PHYKPL: variants seen among roughly 807,000 people sequenced by gnomAD.
PHYKPL encodes the protein 5-phosphonooxy-L-lysine phospho-lyase.
In PHYKPL, 42 loss-of-function variants were observed where a neutral mutation model predicts 51.3. The observed-to-expected ratio is 0.82, with a 90% CI of 0.64 to 1.06. The LOEUF is 1.06. PHYKPL is among the 50% of genes least tolerant of loss of function. The pLI is 0.00. For synonymous variants in PHYKPL, 264 were observed against 236.0 expected (o/e 1.12, Z -1.09); for missense variants, 655 against 586.6 (o/e 1.12, Z -1.20).
At chr5:178,211,653 G>T in intron 12 of PHYKPL, 1 of 475,768 alleles carries the variant, frequency 2.1e-6, no homozygotes, top group Non-Finnish European at 3.8e-6. Context: ...AGGGTGGGTT[G>T]GGGTTCCACG....
chr5:178,210,268 C>T (rs1757812831), intron 12 of PHYKPL: 3 of 1,614,160 alleles, frequency 1.9e-6, no homozygotes, highest in Non-Finnish European at 1.7e-6. Context: ...CCGGCTACGA[C>T]TACAGTAAGT....
chr5:178,225,461 A>T (rs1002032987), intron 3 of PHYKPL, 32 bp from the exon 4 acceptor site: 4 of 1,611,354 alleles, frequency 2.5e-6, no homozygotes, highest in Non-Finnish European at 3.4e-6. Flanking sequence ...TGACTGAGAG[A>T]GTAGTCTAAG....
intron 12 of PHYKPL, chr5:178,209,993 T>C: frequency 8.3e-7 from 1 of 1,207,472 alleles, no homozygotes; most frequent in Non-Finnish European, 1.2e-6. Context: ...AGGGCCCTTA[T>C]ACACCAGAAC....
intron 8 of PHYKPL, among the ~76,000 whole-genome samples, chr5:178,218,019 C>T (rs1760233174): frequency 6.8e-6 from 1 of 146,926 alleles, no homozygotes; most frequent in Non-Finnish European, 1.5e-5. Context: ...AGATCGAGAC[C>T]ATCCTGGCTA....
chr5:178,210,482 A>G lies in PHYKPL; in HGVS notation c.*31+1408T>C, dbSNP rs183037540. 5.2e-4 allele frequency: 794 copies of G among 1,514,614 alleles called. 3 individuals are homozygous for G. The African/African-American group carries it at 9.9e-3, about 19-fold the overall frequency. 93.8% of individuals were successfully genotyped at this position (1,514,614 alleles called of 1,614,324 possible). On this transcript the variant is annotated intron_variant, in intron 12 of 12. Transcript: ENST00000308158. ...CACGGCTGGTGAGGGTCCTGGGAAG[A>G]TGCATATCAAGCGCGTGGCACAGGG...
rs1481606931 is a variant in PHYKPL, at chr5:178,211,718, G to A, written c.*31+172C>T. 14 of 596,434 alleles carry A rather than the reference G, an allele frequency of 2.3e-5. 1 individual carries two copies. In the East Asian group the frequency reaches 3.6e-4, roughly 16 times the overall value. The allele number at this position is 596,434 out of a possible 1,614,324, so 36.9% of individuals were successfully genotyped here. On this transcript the variant is annotated intron_variant, in intron 12 of 12. Transcript: ENST00000308158. Reference sequence around the variant, plus strand: ...GATATAGCTGTTCCTGCCATCAAGTGCAAGCTAAGCATTGGAGAATTTCCA... The same window carrying A: ...GATATAGCTGTTCCTGCCATCAAGTACAAGCTAAGCATTGGAGAATTTCCA...
intron 12 of PHYKPL, among the ~76,000 whole-genome samples, chr5:178,209,943 T>C (rs1165822371): frequency 2.6e-5 from 4 of 151,800 alleles, no homozygotes; most frequent in Non-Finnish European, 5.9e-5. Context: ...TCCTGGTCTC[T>C]GATCCTCTGC....
At chr5:178,215,479 T>C in intron 8 of PHYKPL, 49 bp from the exon 9 acceptor site, 1 of 1,565,816 alleles carries the variant, frequency 6.4e-7, no homozygotes, top group Non-Finnish European at 8.7e-7. Flanking sequence ...GAGTGGGCCA[T>C]GCCCCAGAGT....
At chr5:178,228,504 G>A (rs1158465051) in intron 3 of PHYKPL, 4 of 702,208 alleles carry the variant, frequency 5.7e-6, no homozygotes, top group Non-Finnish European at 7.8e-6. Flanking sequence ...GGAAGCACCA[G>A]CTCCCTTCTC....
intron 12 of PHYKPL, chr5:178,211,163 A>G (rs1023118520): frequency 4.6e-5 from 7 of 153,642 alleles, no homozygotes; most frequent in Non-Finnish European, 8.6e-5. Context: ...AAAACCCCCA[A>G]GCCTGGGTGA....
intron 1 of PHYKPL, 165 bp from the exon 2 acceptor site, chr5:178,231,688 G>A (rs974174675): frequency 1.3e-6 from 2 of 1,565,270 alleles, no homozygotes; most frequent in African/African-American, 2.7e-5. Context: ...CCACTCCACA[G>A]GTGGTTGCAA....
chr5:178,211,700 C>A, intron 12 of PHYKPL, 190 bp downstream of exon 12: 1 of 586,372 alleles, frequency 1.7e-6, no homozygotes, highest in Non-Finnish European at 3.0e-6. Flanking sequence ...GAGGATATAG[C>A]TGTTCCTGCC....
chr5:178,210,318 A>T (rs777747612), intron 12 of PHYKPL: 1 of 1,612,584 alleles, frequency 6.2e-7, no homozygotes, highest in Non-Finnish European at 8.5e-7. Flanking sequence ...CCTCGTCCCC[A>T]GGGGAGGCAG....
At chr5:178,225,552 C>T in intron 3 of PHYKPL, 123 bp from the exon 4 acceptor site, 1 of 894,878 alleles carries the variant, frequency 1.1e-6, no homozygotes, top group Non-Finnish European at 1.8e-6. Flanking sequence ...TAGTCAGTCA[C>T]TTGCTTGTTT....
At chr5:178,218,944 G>A (rs994387614) in intron 8 of PHYKPL, among the ~76,000 whole-genome samples, 5 of 152,130 alleles carry the variant, frequency 3.3e-5, no homozygotes. Context: ...CCTGAAAACA[G>A]AGCAAGACTC....
Position 178,229,103 on chromosome 5 carries a change from ATTT to A in PHYKPL, c.338+834_338+836del, listed in dbSNP as rs55725801. Among the ~76,000 whole-genome samples, 762 of 118,246 alleles carry A rather than the reference ATTT, an allele frequency of 6.4e-3. 2 individuals carry two copies. Among genetic ancestry groups the A allele is most frequent in the African/African-American group, 0.015 (438 of 29,474 alleles). 77.6% of individuals were successfully genotyped at this position (118,246 alleles called of 152,430 possible). A position where few individuals can be genotyped will look rare whatever the true frequency, so the allele number is the denominator to read the frequency against. On this transcript the variant is annotated intron_variant, in intron 3 of 12. Coordinates refer to ENST00000308158, the MANE Select transcript of PHYKPL (RefSeq NM_153373.4). ...CCTTGACAAGAGTTTTGATGAGACTATTTTTTTTTTTTTTTTTTTTTGAGATAG... is the reference window on the plus strand; with the variant it reads ...CCTTGACAAGAGTTTTGATGAGACTATTTTTTTTTTTTTTTTTTGAGATAG...
intron 4 of PHYKPL, 106 bp downstream of exon 4, chr5:178,225,249 G>A (rs529806756): frequency 2.7e-5 from 35 of 1,307,806 alleles, no homozygotes; most frequent in South Asian, 2.6e-4. Flanking sequence ...CAGTAGCCCA[G>A]GCCCCTTATC....
At chr5:178,231,882 C>A (rs2973729) in intron 1 of PHYKPL, 1,309,850 of 1,320,572 alleles carry the variant, frequency 0.99, 649,704 homozygotes, top group Non-Finnish European at 1. Flanking sequence ...ATGGGATGGG[C>A]CAGGGCACCA....
At chr5:178,213,653 C>T (rs72817293) in intron 10 of PHYKPL, among the ~76,000 whole-genome samples, 3,110 of 152,334 alleles carry the variant, frequency 0.02, 46 homozygotes, top group Non-Finnish European at 0.031. Flanking sequence ...ACAGTCTAAC[C>T]TCATCTCTGA....
Sources: gnomAD v4.1 joint callset for allele counts (sites outside exome capture counted in the v4.1 genomes callset) on GRCh38, gnomAD v4.1.1 for gene constraint, MANE v1.5 for transcripts, NCBI Gene and HGNC (gene_info 2026-07-23, HGNC 2026-07-21) for gene names.